RNF125: variants seen among roughly 807,000 people sequenced by gnomAD.
RNF125 encodes the protein E3 ubiquitin-protein ligase RNF125.
Under a neutral mutation model 26.0 loss-of-function variants are expected in RNF125, and 21 were observed. The ratio of observed to expected loss-of-function variants is 0.81; its 90% confidence interval spans 0.57 to 1.16. The LOEUF is 1.16. Ranked by LOEUF, RNF125 falls within the 50% of genes most tolerant of loss-of-function variation. The probability of loss-of-function intolerance (pLI) is 0.00; values close to 1 mark genes in which losing one functional copy is unlikely to be tolerated. For missense variants in RNF125, 270 were observed against 299.4 expected (o/e 0.90, Z 0.72); for synonymous variants, 95 against 109.2 (o/e 0.87, Z 0.81).
At chr18:32,025,644 A>T (rs2039026420) in intron 1 of RNF125, among the ~76,000 whole-genome samples, 1 of 140,980 alleles carries the variant, frequency 7.1e-6, no homozygotes, top group Non-Finnish European at 1.5e-5. Flanking sequence ...AGCCTGGGTG[A>T]CAAGAGTGAA....
rs2039252751 is a variant in RNF125 at position 32,044,820 on chromosome 18, G to A, written c.414-822G>A. On this transcript the variant is annotated intron_variant, in intron 3 of 5. Coordinates refer to ENST00000217740, the MANE Select transcript of RNF125 (RefSeq NM_017831.4). ...GCCTATATTGTTAATTTCCAGTGAA[G>A]AAGGAAAAGTGACCTGCAGTCCGGG... Among the ~76,000 whole-genome samples the A allele has an allele frequency of 2.0e-5, 3 of 152,182 alleles. No homozygotes were observed. The South Asian group carries it at 6.2e-4, about 32-fold the overall frequency.
intron 4 of RNF125, among the ~76,000 whole-genome samples, chr18:32,054,424 C>T (rs2039360591): frequency 6.6e-6 from 1 of 152,138 alleles, no homozygotes; most frequent in Non-Finnish European, 1.5e-5. Context: ...GAAGCCCTTA[C>T]ATTGGTGATT....
At chr18:32,054,246 A>G (rs2039358634) in intron 4 of RNF125, among the ~76,000 whole-genome samples, 1 of 151,790 alleles carries the variant, frequency 6.6e-6, no homozygotes. Flanking sequence ...GGCGTGCGCC[A>G]CCATGCCGGC....
rs768503380 is a variant in RNF125 at position 32,042,316 on chromosome 18, GT to G, written c.413+46del. 197 of 1,222,704 alleles carry G rather than the reference GT, an allele frequency of 1.6e-4. No homozygotes were observed. In the African/African-American group the frequency reaches 2.7e-3, roughly 17 times the overall value. 75.7% of individuals were successfully genotyped at this position (1,222,704 alleles called of 1,614,324 possible). A position where few individuals can be genotyped will look rare whatever the true frequency, so the allele number is the denominator to read the frequency against. ...ATAGTTTAATGCTAAAATTGATAAT[GT>G]TTATAAAGAATTTAATGGGCTGGAA... On this transcript the variant is annotated intron_variant, in intron 3 of 5. Coordinates refer to ENST00000217740, the MANE Select transcript of RNF125 (RefSeq NM_017831.4).
intron 1 of RNF125, among the ~76,000 whole-genome samples, chr18:32,022,044 A>G (rs1308812460): frequency 1.3e-5 from 2 of 152,188 alleles, no homozygotes; most frequent in Middle Eastern, 3.2e-3. Context: ...TTTCTGCAGT[A>G]GAGATTGTGA....
intron 2 of RNF125, 120 bp downstream of exon 2, chr18:32,037,389 T>TTG (rs2039168550): frequency 3.7e-6 from 2 of 538,982 alleles, no homozygotes; most frequent in African/African-American, 5.1e-5. Flanking sequence ...TTTTTTTTTT[T>TTG]GAGACAGGTT....
Position 32,066,009 on chromosome 18 carries a change from A to G in RNF125, c.612A>G (p.Ile204Met), listed in dbSNP as rs748578755. 7 of 1,545,766 alleles carry G rather than the reference A, an allele frequency of 4.5e-6. No individual in the cohort carries two copies. In the East Asian group the frequency reaches 1.6e-4, roughly 35 times the overall value. Reference protein sequence around the residue: ...VSHTLFYDDFIDFNIIEEALI... With the variant: ...VSHTLFYDDFMDFNIIEEALI... ...ACACTTTGTTTTATGATGATTTCAT[A>G]GTAAGTATATTTTCTTATTTTTACA... Residue 204 changes from isoleucine (I) to methionine (M), a missense_variant and splice_region_variant, in exon 5 of 6, where the codon ATA (isoleucine) becomes ATG (methionine). By Grantham distance (10) the Ile-to-Met change is conservative. Coordinates refer to ENST00000217740, the MANE Select transcript of RNF125 (RefSeq NM_017831.4).
downstream of RNF125, among the ~76,000 whole-genome samples, chr18:32,075,204 C>T (rs1158353724): frequency 6.6e-6 from 1 of 152,158 alleles, no homozygotes; most frequent in Admixed American, 6.5e-5. Flanking sequence ...CATCCATCAG[C>T]GTCTCTTGCC....
chr18:32,067,239 C>T (rs1598828610), intron 5 of RNF125, among the ~76,000 whole-genome samples: 1 of 152,122 alleles, frequency 6.6e-6, no homozygotes, highest in South Asian at 2.1e-4. Flanking sequence ...GGTGACAGAG[C>T]GAGACTCCGT....
At chr18:32,026,685 GTC>G (rs1349862826) in intron 1 of RNF125, among the ~76,000 whole-genome samples, 3 of 152,188 alleles carry the variant, frequency 2.0e-5, no homozygotes, top group African/African-American at 7.2e-5. Context: ...CAGGAGGTAT[GTC>G]TCTCTGGCCC....
intron 2 of RNF125, among the ~76,000 whole-genome samples, chr18:32,041,200 T>C (rs1385608322): frequency 6.6e-6 from 1 of 152,146 alleles, no homozygotes; most frequent in Non-Finnish European, 1.5e-5. Flanking sequence ...ATGGTTAGGC[T>C]CTCTGAATGT....
chr18:32,053,334 C>A (rs2039346845), intron 4 of RNF125, among the ~76,000 whole-genome samples: 1 of 151,960 alleles, frequency 6.6e-6, no homozygotes, highest in African/African-American at 2.4e-5. Flanking sequence ...TGCACTCCAG[C>A]CTGGGCAACA....
chr18:32,047,199 G>T (rs1176422588), intron 4 of RNF125, among the ~76,000 whole-genome samples: 1 of 152,158 alleles, frequency 6.6e-6, no homozygotes, highest in African/African-American at 2.4e-5. Context: ...ACCATGCCCG[G>T]CTAATTTTTT....
At chr18:32,088,709 A>G in the RNF125 span, among the ~76,000 whole-genome samples, 1 of 152,160 alleles carries the variant, frequency 6.6e-6, no homozygotes, top group Admixed American at 6.6e-5. Flanking sequence ...CATGTTGTCC[A>G]GGCTGGTCAC....
the RNF125 span, among the ~76,000 whole-genome samples, chr18:32,082,364 TATATA>T: frequency 6.6e-6 from 1 of 152,060 alleles, no homozygotes; most frequent in Non-Finnish European, 1.5e-5. Flanking sequence ...ACACACATCA[TATATA>T]TTATATTTGT....
the RNF125 span, among the ~76,000 whole-genome samples, chr18:32,079,742 A>G: frequency 6.6e-6 from 1 of 152,214 alleles, no homozygotes; most frequent in African/African-American, 2.4e-5. Context: ...AGTGAACCAA[A>G]CTACCAGACA....
chr18:32,055,979 C>CAAAAAAAAAAAA (rs67968645), intron 4 of RNF125, among the ~76,000 whole-genome samples: 2 of 78,862 alleles, frequency 2.5e-5, no homozygotes, highest in Non-Finnish European at 4.6e-5. Flanking sequence ...AACTCCATCT[C>CAAAAAAAAAAAA]AAAAAAAAAA....
At chr18:32,056,057 T>C (rs2039379344) in intron 4 of RNF125, among the ~76,000 whole-genome samples, 1 of 146,740 alleles carries the variant, frequency 6.8e-6, no homozygotes, top group African/African-American at 2.5e-5. Flanking sequence ...ACTTAAGAAA[T>C]CCATTATTAT....
intron 4 of RNF125, among the ~76,000 whole-genome samples, chr18:32,057,576 CT>C (rs1354037740): frequency 6.6e-6 from 1 of 152,084 alleles, no homozygotes; most frequent in African/African-American, 2.4e-5. Context: ...CTCAGGTGAT[CT>C]GCCCACCTCA....
Sources: gnomAD v4.1 joint callset for allele counts (sites outside exome capture counted in the v4.1 genomes callset) on GRCh38, gnomAD v4.1.1 for gene constraint, MANE v1.5 for transcripts, NCBI Gene and HGNC (gene_info 2026-07-23, HGNC 2026-07-21) for gene names.